The following RBM34 variants were observed in gnomAD, a reference collection of about 807,000 sequenced individuals.
The protein encoded by RBM34 is RNA-binding protein 34.
RBM34 carries 39 observed loss-of-function variants against 44.6 expected under a neutral mutation model. The ratio of observed to expected loss-of-function variants is 0.87; its 90% CI spans 0.68 to 1.14. The LOEUF is 1.14. Among genes scored for constraint, RBM34 ranks in the 50% most tolerant of loss-of-function variants. The pLI, the probability that RBM34 is intolerant of heterozygous loss-of-function variation, is 0.00. For missense variants in RBM34, 572 were observed against 517.9 expected (o/e 1.10, Z -1.01); for synonymous variants, 194 against 184.0 (o/e 1.05, Z -0.44).
chr1:235,157,250 G>T (rs561016598), intron 3 of RBM34, among the ~76,000 whole-genome samples: 2 of 152,214 alleles, frequency 1.3e-5, no homozygotes, highest in Admixed American at 6.5e-5. Context: ...GGTTACAACA[G>T]TGTGTATCTG....
intron 10 of RBM34, among the ~76,000 whole-genome samples, chr1:235,134,221 G>A (rs1234830643): frequency 6.6e-6 from 1 of 151,946 alleles, no homozygotes; most frequent in Non-Finnish European, 1.5e-5. Flanking sequence ...GCGGGATTTC[G>A]CCATGTTGCC....
chr1:235,156,817 G>T (rs1662467206), intron 3 of RBM34: 5 of 317,368 alleles, frequency 1.6e-5, no homozygotes, highest in South Asian at 1.3e-4. Context: ...ACAATCAAAG[G>T]CCTCCAACAG....
chr1:235,147,566 C>G (rs1426791042), intron 6 of RBM34, among the ~76,000 whole-genome samples: 1 of 152,126 alleles, frequency 6.6e-6, no homozygotes, highest in Non-Finnish European at 1.5e-5. Context: ...TTTATCAACT[C>G]TTAACTATAC....
Position 235,132,031 on chromosome 1 carries a change from C to T in RBM34, c.1009-34G>A, listed in dbSNP as rs746690716. 3.9e-6 allele frequency: 6 copies of T among 1,522,802 alleles called. No individual in the cohort carries two copies. In the African/African-American group the frequency reaches 7.0e-5, roughly 18 times the overall value. 94.3% of individuals were successfully genotyped at this position (1,522,802 alleles called of 1,614,324 possible). A position where few individuals can be genotyped will look rare whatever the true frequency, so the allele number is the denominator to read the frequency against. On this transcript the variant is annotated intron_variant, in intron 10 of 10. Transcript: ENST00000408888. ...GAAAACACAATACATTAATTGCTAC[C>T]AGAAACCCATCTGCAAAGAAACTAG...
At chr1:235,157,020 A>G (rs1160747312) in intron 3 of RBM34, among the ~76,000 whole-genome samples, 1 of 152,240 alleles carries the variant, frequency 6.6e-6, no homozygotes, top group Non-Finnish European at 1.5e-5. Flanking sequence ...ACAGTATATA[A>G]AGTACCTAGC....
intron 6 of RBM34, among the ~76,000 whole-genome samples, chr1:235,144,690 T>A (rs537095560): frequency 4.7e-4 from 71 of 152,232 alleles, no homozygotes; most frequent in Middle Eastern, 3.4e-3. Context: ...CAGGCTATAG[T>A]GGACTATGAC....
intron 3 of RBM34, among the ~76,000 whole-genome samples, chr1:235,158,187 G>A (rs989935556): frequency 6.6e-6 from 1 of 152,038 alleles, no homozygotes; most frequent in Non-Finnish European, 1.5e-5. Context: ...GGCCAAGGCG[G>A]GTGGATCACC....
At chr1:235,139,027 G>C (rs1328925637) in intron 6 of RBM34, among the ~76,000 whole-genome samples, 3 of 152,156 alleles carry the variant, frequency 2.0e-5, no homozygotes, top group Admixed American at 2.0e-4. Flanking sequence ...GTTCTTTCCA[G>C]GGAGTCATGT....
intron 6 of RBM34, among the ~76,000 whole-genome samples, chr1:235,144,466 A>C (rs1661818841): frequency 6.7e-6 from 1 of 148,318 alleles, no homozygotes; most frequent in Non-Finnish European, 1.5e-5. Context: ...CATGTCAAAT[A>C]TGTGCAGTTT....
rs1421660507 is a variant in RBM34 at position 235,137,909 on chromosome 1, T to A, written c.817A>T (p.Ile273Phe). 2 of 1,604,844 alleles carry A rather than the reference T, an allele frequency of 1.2e-6. No individual in the cohort carries two copies. Among genetic ancestry groups the A allele is most frequent in the Admixed American group, 1.7e-5 (1 of 59,718 alleles). ...NGAQIADGFRIRVDLASETSS... is the reference protein window; with the variant it reads ...NGAQIADGFRFRVDLASETSS... ...GTCTCAGATGCGAGATCAACTCTAA[T>A]ACGAAATCCATCTGCAATCTGGGCC... The change falls in exon 8 of 11, where the codon ATT becomes TTT. Residue 273 changes from isoleucine (I) to phenylalanine (F), a missense_variant. By Grantham distance (21) the Ile-to-Phe change is conservative (BLOSUM62 0). Coordinates refer to ENST00000408888, the MANE Select transcript of RBM34 (RefSeq NM_015014.4).
In RBM34 at chr1:235,145,744, G is replaced by C. The variant is rs113879356; in HGVS notation, c.701+2660C>G. On this transcript the variant is annotated intron_variant, in intron 6 of 10. Transcript: ENST00000408888. The stretch of plus-strand genomic sequence containing the variant: ...TATCCTACAGATAAGTTTAGCTTAT[G>C]TACAAAATTACCTAAGTACAAGGTC... Among the ~76,000 whole-genome samples the C allele has an allele frequency of 5.7e-4, 87 of 152,278 alleles. 2 individuals carry two copies. Among genetic ancestry groups the C allele is most frequent in the African/African-American group, 1.8e-3 (76 of 41,554 alleles).
chr1:235,160,579 C>A lies in RBM34; in HGVS notation c.297G>T (p.Ser99=), dbSNP rs750402234. 4 of 1,614,028 alleles carry A rather than the reference C, an allele frequency of 2.5e-6. No homozygotes were observed. The South Asian group carries it at 3.3e-5, about 13-fold the overall frequency. The change falls in exon 3 of 11, where the codon TCG becomes TCT. Residue 99 remains serine (S), a synonymous_variant. Coordinates refer to ENST00000408888, the MANE Select transcript of RBM34 (RefSeq NM_015014.4). ...CTTTCACTTTTTTGGCAGGTTCTTG[C>A]GAAAGTGGTCTTTCAATCTGGGATG... ...ESTSQIERPL[S]QEPAKKVKAK...
intron 3 of RBM34, among the ~76,000 whole-genome samples, chr1:235,157,173 C>A (rs1458268113): frequency 2.0e-5 from 3 of 152,140 alleles, no homozygotes; most frequent in Non-Finnish European, 4.4e-5. Flanking sequence ...AAAAGATCAT[C>A]TGGGCAGAAG....
At chr1:235,145,150 A>C (rs1661849310) in intron 6 of RBM34, among the ~76,000 whole-genome samples, 1 of 152,230 alleles carries the variant, frequency 6.6e-6, no homozygotes, top group African/African-American at 2.4e-5. Context: ...CAGATCAATA[A>C]GACTAATAAT....
intron 6 of RBM34, among the ~76,000 whole-genome samples, chr1:235,139,312 A>G (rs757729747): frequency 5.9e-5 from 9 of 152,192 alleles, no homozygotes; most frequent in Non-Finnish European, 1.0e-4. Context: ...ACACTATACT[A>G]ATGCTTTTGT....
intron 5 of RBM34, 33 bp from the exon 6 acceptor site, chr1:235,148,480 G>A: frequency 6.8e-7 from 1 of 1,480,894 alleles, no homozygotes; most frequent in South Asian, 1.3e-5. Flanking sequence ...ATTAAAGACA[G>A]TATTTGAAGT....
Position 235,161,250 on chromosome 1 carries a change from T to C in RBM34, c.-24A>G, listed in dbSNP as rs771048857. 1.2e-6 allele frequency: 2 copies of C among 1,613,140 alleles called. No individual in the cohort carries two copies. The highest frequency in any genetic ancestry group is 3.3e-5 in the Admixed American group (2 of 60,000). Reference sequence around the variant, plus strand: ...ATTCTTACTCCAAAGACTCCCAGACTGCAGCTGCGCGCCAGCTCGCACTTC... The same window carrying C: ...ATTCTTACTCCAAAGACTCCCAGACCGCAGCTGCGCGCCAGCTCGCACTTC... On this transcript the variant is annotated 5_prime_UTR_variant, in exon 1 of 11. Coordinates refer to ENST00000408888, the MANE Select transcript of RBM34 (RefSeq NM_015014.4).
rs574059264 is a variant in RBM34 at position 235,135,235 on chromosome 1, T to A, written c.1008+417A>T. On this transcript the variant is annotated intron_variant, in intron 10 of 10. Coordinates refer to ENST00000408888, the MANE Select transcript of RBM34 (RefSeq NM_015014.4). ...AATTTTTAAATTTTTTGTATTTTTT[T>A]TTTTCCCCCTTGAGATGGAGTCTTG... Among the ~76,000 whole-genome samples, 31 of 143,574 alleles carry A rather than the reference T, an allele frequency of 2.2e-4. 6 individuals are homozygous for A. Among genetic ancestry groups the A allele is most frequent in the African/African-American group, 8.2e-4 (31 of 38,014 alleles). The allele number at this position is 143,574 out of a possible 152,430, so 94.2% of individuals were successfully genotyped here.
At position 235,161,058 on chromosome 1, in the gene RBM34, A is replaced by C; in HGVS notation, c.63T>G (p.Pro21=). 6.2e-7 allele frequency: 1 copy of C among 1,613,968 alleles called. No individual in the cohort carries two copies. Among genetic ancestry groups the C allele is most frequent in the South Asian group, 1.1e-5 (1 of 91,074 alleles). Residue 21 remains proline (P), a synonymous_variant, in exon 2 of 11, where the codon CCT becomes CCG. Coordinates refer to ENST00000408888, the MANE Select transcript of RBM34 (RefSeq NM_015014.4). ...RKRSVQEGEN[P]DDGVRGSPPE... The stretch of plus-strand genomic sequence containing the variant: ...GCGGACTCCCGCGAACGCCGTCGTC[A>C]GGATTCTCTCTAGAAATGGACGACA...
Sources: allele counts gnomAD v4.1 joint callset (sites outside exome capture counted in the v4.1 genomes callset), GRCh38; gene constraint gnomAD v4.1.1; transcripts MANE v1.5; gene names NCBI Gene and HGNC (gene_info 2026-07-23, HGNC 2026-07-21).